LRRC4C: variants seen among roughly 807,000 people sequenced by gnomAD.
The protein encoded by LRRC4C is leucine-rich repeat-containing protein 4C.
LRRC4C carries 5 observed loss-of-function variants against 33.6 expected under a neutral mutation model. The ratio of observed to expected loss-of-function variants is 0.15; its 90% CI spans 0.08 to 0.31. The LOEUF (loss-of-function observed/expected upper bound fraction) is 0.31, where lower values mean the gene tolerates loss of function less well. Ranked by LOEUF, LRRC4C falls within the 10% of genes least tolerant of loss-of-function variation. The pLI, the probability that LRRC4C is intolerant of heterozygous loss-of-function variation, is 1.00. For synonymous variants in LRRC4C, 329 were observed against 302.0 expected, an observed-to-expected ratio of 1.09 and a Z score of -0.93; for missense variants, 560 against 796.7, an observed-to-expected ratio of 0.70 and a Z score of 3.58.
intron 1 of LRRC4C, among the ~76,000 whole-genome samples, chr11:41,096,106 T>C (rs1479575731): frequency 6.6e-6 from 1 of 152,168 alleles, no homozygotes; most frequent in Non-Finnish European, 1.5e-5. Context: ...GGAATTCATG[T>C]TCTAGAGGTC....
Position 40,449,496 on chromosome 11 carries a change from G to A in LRRC4C, c.-269-129775C>T, listed in dbSNP as rs114115237. 7.3e-3 allele frequency among the ~76,000 whole-genome samples: 1,113 copies of A among 152,224 alleles called. 11 individuals carry two copies. The highest frequency in any genetic ancestry group is 0.025 in the African/African-American group (1,054 of 41,548). Reference sequence around the variant, plus strand: ...TGATGTAAAAAATCCTTAAATTTCAGTGATTACTTCATCAAAGCCCTTTAT... The same window carrying A: ...TGATGTAAAAAATCCTTAAATTTCAATGATTACTTCATCAAAGCCCTTTAT... On this transcript the variant is annotated intron_variant, in intron 3 of 6. Transcript: ENST00000528697.
At chr11:40,245,359 T>C (rs2034641) in intron 4 of LRRC4C, among the ~76,000 whole-genome samples, 151,699 of 152,292 alleles carry the variant, frequency 1, 75,560 homozygotes, top group Middle Eastern at 1. Context: ...GTTAGAAGCC[T>C]ATGACAATAA....
At chr11:40,148,602 T>C (rs947248305) in intron 5 of LRRC4C, among the ~76,000 whole-genome samples, 1 of 152,202 alleles carries the variant, frequency 6.6e-6, no homozygotes, top group African/African-American at 2.4e-5. Flanking sequence ...GATGCATAGT[T>C]TGTAAATATT....
chr11:41,071,087 T>G (rs1938641436), intron 1 of LRRC4C, among the ~76,000 whole-genome samples: 1 of 152,150 alleles, frequency 6.6e-6, no homozygotes, highest in African/African-American at 2.4e-5. Context: ...AGGAATGAGA[T>G]CATGTCCTTT....
At chr11:40,387,193 T>C (rs1299999473) in intron 3 of LRRC4C, among the ~76,000 whole-genome samples, 2 of 152,214 alleles carry the variant, frequency 1.3e-5, no homozygotes, top group Non-Finnish European at 2.9e-5. Flanking sequence ...TATCAGTTTA[T>C]ATATACTGGT....
chr11:40,332,560 G>A (rs1851761597), intron 3 of LRRC4C, among the ~76,000 whole-genome samples: 1 of 152,014 alleles, frequency 6.6e-6, no homozygotes, highest in Non-Finnish European at 1.5e-5. Flanking sequence ...AACAAGCAAC[G>A]TTACATCTTT....
At chr11:40,545,814 G>C (rs568781534) in intron 3 of LRRC4C, among the ~76,000 whole-genome samples, 4 of 151,904 alleles carry the variant, frequency 2.6e-5, no homozygotes, top group Non-Finnish European at 4.4e-5. Flanking sequence ...AATAATTCAG[G>C]GTTCACCTAG....
intron 2 of LRRC4C, among the ~76,000 whole-genome samples, chr11:40,653,350 T>C (rs1178740792): frequency 6.6e-6 from 1 of 152,170 alleles, no homozygotes; most frequent in African/African-American, 2.4e-5. Flanking sequence ...ATATGGACAA[T>C]GAAGACCAGG....
intron 3 of LRRC4C, among the ~76,000 whole-genome samples, chr11:40,440,117 T>G (rs1951325488): frequency 6.6e-6 from 1 of 151,972 alleles, no homozygotes; most frequent in East Asian, 1.9e-4. Flanking sequence ...TTCCAAATCC[T>G]GTACTGAACT....
intron 5 of LRRC4C, among the ~76,000 whole-genome samples, chr11:40,187,703 TAC>T (rs1304852611): frequency 3.9e-5 from 6 of 152,292 alleles, no homozygotes; most frequent in African/African-American, 1.4e-4. Context: ...CTCCCAGCAA[TAC>T]ACTGCCTCCT....
chr11:41,354,489 A>C (rs1423949970), intron 1 of LRRC4C, among the ~76,000 whole-genome samples: 1 of 152,156 alleles, frequency 6.6e-6, no homozygotes, highest in Non-Finnish European at 1.5e-5. Flanking sequence ...TAAAATTACA[A>C]ATTTCATTTT....
chr11:40,565,181 G>A (rs1957705637), intron 3 of LRRC4C, among the ~76,000 whole-genome samples: 1 of 152,178 alleles, frequency 6.6e-6, no homozygotes, highest in Non-Finnish European at 1.5e-5. Context: ...CTCTCAGGAG[G>A]AGAAGCCCCC....
chr11:40,328,451 G>T (rs1022011339), intron 3 of LRRC4C, among the ~76,000 whole-genome samples: 3 of 151,860 alleles, frequency 2.0e-5, no homozygotes, highest in African/African-American at 7.3e-5. Flanking sequence ...CACATTGTGT[G>T]TTTTTTTTCA....
chr11:40,888,127 C>T (rs914407459), intron 2 of LRRC4C, among the ~76,000 whole-genome samples: 3 of 151,708 alleles, frequency 2.0e-5, no homozygotes, highest in Non-Finnish European at 4.4e-5. Flanking sequence ...AGCTTAAAAC[C>T]CTGGTATTTT....
intron 3 of LRRC4C, among the ~76,000 whole-genome samples, chr11:40,353,438 C>T (rs996326779): frequency 3.9e-5 from 6 of 152,102 alleles, no homozygotes; most frequent in Non-Finnish European, 5.9e-5. Flanking sequence ...TTATTTCAGG[C>T]CAGGTGCAGT....
At chr11:41,205,273 C>T (rs1167910349) in intron 1 of LRRC4C, among the ~76,000 whole-genome samples, 2 of 151,980 alleles carry the variant, frequency 1.3e-5, no homozygotes, top group African/African-American at 4.8e-5. Flanking sequence ...GATAGAAAAC[C>T]AATGAACATA....
At chr11:40,952,776 GT>G (rs892999054) in intron 1 of LRRC4C, among the ~76,000 whole-genome samples, 2 of 151,068 alleles carry the variant, frequency 1.3e-5, no homozygotes, top group African/African-American at 4.9e-5. Flanking sequence ...TCTTGTACTT[GT>G]GAATCACTGG....
At chr11:40,684,271 G>A (rs752036563) in intron 2 of LRRC4C, among the ~76,000 whole-genome samples, 10 of 151,678 alleles carry the variant, frequency 6.6e-5, no homozygotes, top group South Asian at 6.2e-4. Context: ...ATAAAGAAGA[G>A]GAAGCATTTA....
chr11:40,386,463 G>A (rs1949115514), intron 3 of LRRC4C, among the ~76,000 whole-genome samples: 1 of 152,128 alleles, frequency 6.6e-6, no homozygotes, highest in Non-Finnish European at 1.5e-5. Context: ...CACCTTATAT[G>A]AGTATTGTAA....
Sources: allele counts gnomAD v4.1 joint callset (sites outside exome capture counted in the v4.1 genomes callset), GRCh38; gene constraint gnomAD v4.1.1; transcripts MANE v1.5; gene names NCBI Gene and HGNC (gene_info 2026-07-23, HGNC 2026-07-21).